Variants in KIF11 observed in about 807,000 individuals in gnomAD.
KIF11 encodes the protein kinesin-like protein KIF11.
In KIF11, 9 loss-of-function variants were observed where a neutral mutation model predicts 121.0. The ratio of observed to expected loss-of-function variants is 0.07; its 90% CI spans 0.04 to 0.13. KIF11 has a LOEUF of 0.13. Among genes scored for constraint, KIF11 ranks in the 10% least tolerant of loss-of-function variants. The pLI, the probability that KIF11 is intolerant of heterozygous loss-of-function variation, is 1.00. For synonymous variants in KIF11, 408 were observed against 421.0 expected, an observed-to-expected ratio of 0.97 and a Z score of 0.38; for missense variants, 846 against 1,217.5, an observed-to-expected ratio of 0.69 and a Z score of 4.54.
intron 1 of KIF11, among the ~76,000 whole-genome samples, chr10:92,595,493 A>T (rs1844284008): frequency 6.6e-6 from 1 of 152,138 alleles, no homozygotes; most frequent in South Asian, 2.1e-4. Context: ...AGATCCCTAC[A>T]TAATGCGCTA....
At chr10:92,653,417 CTA>C (rs1845009427) in intron 21 of KIF11, among the ~76,000 whole-genome samples, 1 of 152,224 alleles carries the variant, frequency 6.6e-6, no homozygotes, top group Admixed American at 6.5e-5. Context: ...AAATCTATAA[CTA>C]TGTCTTAGAA....
chr10:92,624,662 A>G (rs893676356), intron 10 of KIF11, among the ~76,000 whole-genome samples: 1 of 151,920 alleles, frequency 6.6e-6, no homozygotes. Flanking sequence ...GAATAGTGCT[A>G]TGATGAACAT....
rs1035937308 is a variant in KIF11 at position 92,613,795 on chromosome 10, C to G, written c.1032+176C>G. Among the ~76,000 whole-genome samples the G allele has an allele frequency of 2.0e-5, 3 of 151,912 alleles. No individual in the cohort carries two copies. The highest frequency in any genetic ancestry group is 4.4e-5 in the Non-Finnish European group (3 of 67,960). ...GCTTAGGAGTGCCTGGGCAACATGCCGAAACCCTGTCTCTACCAAAAATAC... is the reference window on the plus strand; with the variant it reads ...GCTTAGGAGTGCCTGGGCAACATGCGGAAACCCTGTCTCTACCAAAAATAC... On this transcript the variant is annotated intron_variant, in intron 8 of 21. Coordinates refer to ENST00000260731, the MANE Select transcript of KIF11 (RefSeq NM_004523.4). This position sits in a 1 kb window ranked among gnomAD's most constrained non-coding sequence, Gnocchi z 4.2.
intron 1 of KIF11, among the ~76,000 whole-genome samples, chr10:92,602,580 A>G (rs936947115): frequency 1.3e-5 from 2 of 152,052 alleles, no homozygotes; most frequent in Non-Finnish European, 2.9e-5. Flanking sequence ...AATAAGAGAG[A>G]AGACACAAAT....
chr10:92,624,591 T>G (rs1378566027), intron 10 of KIF11, among the ~76,000 whole-genome samples: 1 of 152,132 alleles, frequency 6.6e-6, no homozygotes, highest in Non-Finnish European at 1.5e-5. Flanking sequence ...ATGTACCACA[T>G]TTTCTTTATC....
At chr10:92,600,815 A>G (rs1844360767) in intron 1 of KIF11, among the ~76,000 whole-genome samples, 1 of 151,722 alleles carries the variant, frequency 6.6e-6, no homozygotes, top group Non-Finnish European at 1.5e-5. Flanking sequence ...TTCTATATAA[A>G]AGATCATATA....
At chr10:92,651,476 C>T (rs1423816490) in intron 21 of KIF11, among the ~76,000 whole-genome samples, 1 of 140,118 alleles carries the variant, frequency 7.1e-6, no homozygotes, top group African/African-American at 2.6e-5. Flanking sequence ...GCCAGGATTA[C>T]AGGCATGTGC....
At chr10:92,596,072 GC>G (rs1187324790) in intron 1 of KIF11, among the ~76,000 whole-genome samples, 6 of 152,092 alleles carry the variant, frequency 3.9e-5, no homozygotes, top group African/African-American at 1.4e-4. Flanking sequence ...CGCGGTCTTG[GC>G]TCACACTGCA....
At chr10:92,599,620 T>G (rs547719169) in intron 1 of KIF11, among the ~76,000 whole-genome samples, 50 of 150,232 alleles carry the variant, frequency 3.3e-4, no homozygotes, top group African/African-American at 1.1e-3. Flanking sequence ...GTTCTAACAG[T>G]TTTTTTTTGT....
chr10:92,640,657 C>A (rs951498995), intron 17 of KIF11, among the ~76,000 whole-genome samples: 2 of 152,010 alleles, frequency 1.3e-5, no homozygotes, highest in African/African-American at 4.8e-5. Context: ...GTCTCGATCT[C>A]CTGACCTCGT....
intron 16 of KIF11, among the ~76,000 whole-genome samples, chr10:92,639,380 G>A (rs1349255402): frequency 6.6e-6 from 1 of 152,088 alleles, no homozygotes; most frequent in East Asian, 1.9e-4. Context: ...TTGAGGCTAG[G>A]AGTTCAAGAC....
intron 21 of KIF11, among the ~76,000 whole-genome samples, chr10:92,651,805 A>G (rs1589609692): frequency 2.0e-5 from 3 of 151,716 alleles, no homozygotes; most frequent in South Asian, 2.1e-4. Flanking sequence ...ATGAAATACA[A>G]CTTCCAAGTG....
At chr10:92,633,843 A>G in intron 14 of KIF11, 48 bp downstream of exon 14, 1 of 1,193,366 alleles carries the variant, frequency 8.4e-7, no homozygotes, top group South Asian at 1.4e-5. Context: ...TTTGATAAGT[A>G]TTTGATAAAA....
intron 18 of KIF11, among the ~76,000 whole-genome samples, chr10:92,647,124 C>A (rs1370704640): frequency 6.6e-6 from 1 of 152,118 alleles, no homozygotes; most frequent in East Asian, 1.9e-4. Flanking sequence ...AATACTCTTG[C>A]TAAAAAATTA....
Position 92,609,378 on chromosome 10 carries a change from T to C in KIF11, c.574-7T>C. On this transcript the variant is annotated splice_region_variant and splice_polypyrimidine_tract_variant and intron_variant, in intron 5 of 21. Transcript: ENST00000260731. The stretch of plus-strand genomic sequence containing the variant: ...TCTAATGGATGTTCTTTTGGTATTT[T>C]GGTCAGAGAGGAGTGATAATTAAAG... 6.2e-7 allele frequency: 1 copy of C among 1,610,148 alleles called. No homozygotes were observed.
chr10:92,598,865 C>T (rs1844332124), intron 1 of KIF11, among the ~76,000 whole-genome samples: 1 of 152,172 alleles, frequency 6.6e-6, no homozygotes, highest in African/African-American at 2.4e-5. Flanking sequence ...GCAACCTCCA[C>T]CTCCCGAGTT....
At chr10:92,622,946 T>G (rs1302227050) in intron 10 of KIF11, among the ~76,000 whole-genome samples, 2 of 152,172 alleles carry the variant, frequency 1.3e-5, no homozygotes, top group South Asian at 4.1e-4. Flanking sequence ...CCAGATCTTG[T>G]GAGAACTCAT....
At chr10:92,648,931 C>G (rs1371621396) in intron 19 of KIF11, among the ~76,000 whole-genome samples, 1 of 152,064 alleles carries the variant, frequency 6.6e-6, no homozygotes. Context: ...TGGCAAAGAT[C>G]ATTATAGGCT....
rs757145721 is a variant in KIF11, at chr10:92,607,202, G to A, written c.352G>A (p.Glu118Lys). 6.2e-7 allele frequency: 1 copy of A among 1,609,240 alleles called. No individual in the cohort carries two copies. The highest frequency in any genetic ancestry group is 8.5e-7 in the Non-Finnish European group (1 of 1,176,154). ...GTGKTFTMEG[E>K]RSPNEEYTWE... ...TGGAAAAACTTTTACAATGGAAGGTGAAAGGTCACCTAATGAAGAGTATAC... is the reference window on the plus strand; with the variant it reads ...TGGAAAAACTTTTACAATGGAAGGTAAAAGGTCACCTAATGAAGAGTATAC... The change falls in exon 4 of 22, where the codon GAA (glutamate) becomes AAA (lysine). Residue 118 changes from glutamate (E) to lysine (K), a missense_variant. Glu to Lys is a moderately conservative substitution (Grantham distance 56, BLOSUM62 1). Coordinates refer to ENST00000260731, the MANE Select transcript of KIF11 (RefSeq NM_004523.4).
Sources: gnomAD v4.1 joint callset for allele counts (sites outside exome capture counted in the v4.1 genomes callset) on GRCh38, gnomAD v4.1.1 for gene constraint, Gnocchi (gnomAD v3.1) non-coding constraint, MANE v1.5 for transcripts, NCBI Gene and HGNC (gene_info 2026-07-23, HGNC 2026-07-21) for gene names.